The following SLC7A10 variants were observed in gnomAD, a reference collection of about 807,000 sequenced individuals.
SLC7A10 encodes asc-type amino acid transporter 1.
Under a neutral mutation model 52.7 loss-of-function variants are expected in SLC7A10, and 30 were observed. That is an observed-to-expected ratio of 0.57 (90% confidence interval 0.43 to 0.77). The LOEUF is 0.77. Ranked by LOEUF, SLC7A10 falls within the 30% of genes least tolerant of loss-of-function variation. SLC7A10 has a pLI of 0.00. For missense variants in SLC7A10, 581 were observed against 698.5 expected (o/e 0.83, Z 1.90); for synonymous variants, 318 against 314.9 (o/e 1.01, Z -0.10).
At chr19:33,213,831 C>A (rs1051538714) in intron 2 of SLC7A10, among the ~76,000 whole-genome samples, 7 of 152,212 alleles carry the variant, frequency 4.6e-5, no homozygotes, top group African/African-American at 1.7e-4. Context: ...TAAATCTTGC[C>A]TCTGCAGGGC....
rs1288321072 is a variant in SLC7A10, at chr19:33,218,685, T to TCC, written c.152-2713_152-2712insGG. ...GATTTCTTTCTTTCTTTCTTTCTTT[T>TCC]TTTTTTTTTTTTAGTAGAGATGGGG... On this transcript the variant is annotated intron_variant, in intron 1 of 10. Coordinates refer to ENST00000253188, the MANE Select transcript of SLC7A10 (RefSeq NM_019849.3). 8.2e-5 allele frequency among the ~76,000 whole-genome samples: 3 copies of TCC among 36,492 alleles called. 1 individual carries two copies. The highest frequency in any genetic ancestry group is 1.3e-4 in the Non-Finnish European group (2 of 15,664). The allele number at this position is 36,492 out of a possible 152,430, so 23.9% of individuals were successfully genotyped here. A position where few individuals can be genotyped will look rare whatever the true frequency, so the allele number is the denominator to read the frequency against.
Position 33,210,482 on chromosome 19 carries a change from G to C in SLC7A10, c.1248C>G (p.Leu416=). 2 of 1,599,464 alleles carry C rather than the reference G, an allele frequency of 1.3e-6. No individual in the cohort carries two copies. The highest frequency in any genetic ancestry group is 2.2e-5 in the South Asian group (2 of 90,136). ...AGGGCCTCACCTTGATGGGCCTGTGGAGTGCAGGCCGCCTCCAGCGCAGCA... is the reference window on the plus strand; with the variant it reads ...AGGGCCTCACCTTGATGGGCCTGTGCAGTGCAGGCCGCCTCCAGCGCAGCA... ...LLLLRWRRPA[L]HRPIKVNLLI... The change falls in exon 9 of 11, where the codon CTC becomes CTG. Residue 416 remains leucine, a synonymous_variant. Coordinates refer to ENST00000253188, the MANE Select transcript of SLC7A10 (RefSeq NM_019849.3). The surrounding 1 kb of genome is among the most constrained non-coding windows in gnomAD (Gnocchi z 5.6).
chr19:33,210,503 C>T lies in SLC7A10; in HGVS notation c.1227G>A (p.Leu409=). 1.2e-6 allele frequency: 2 copies of T among 1,605,918 alleles called. No homozygotes were observed. Among genetic ancestry groups the T allele is most frequent in the South Asian group, 1.1e-5 (1 of 90,694 alleles). The stretch of plus-strand genomic sequence containing the variant: ...TGTGGAGTGCAGGCCGCCTCCAGCG[C>T]AGCAGCAGCAGGCCCAGGATGGTGA... The part of the protein sequence containing the change: ...YGVTILGLLL[L]RWRRPALHRP... The change falls in exon 9 of 11, where the codon CTG becomes CTA. Residue 409 remains leucine, a synonymous_variant. Transcript: ENST00000253188. This position sits in a 1 kb window ranked among gnomAD's most constrained non-coding sequence, Gnocchi z 5.6.
chr19:33,223,541 C>G (rs1221394871), intron 1 of SLC7A10, among the ~76,000 whole-genome samples: 1 of 151,948 alleles, frequency 6.6e-6, no homozygotes, highest in African/African-American at 2.4e-5. Flanking sequence ...CAGACCCCAG[C>G]TCAGTCCTCA....
intron 1 of SLC7A10, among the ~76,000 whole-genome samples, chr19:33,218,690 T>TCTTTCTTTCTTTCTTCTTTC (rs199544613): frequency 1.1e-5 from 1 of 90,426 alleles, no homozygotes; most frequent in Non-Finnish European, 2.1e-5. Flanking sequence ...TCTTTTTTTT[T>TCTTTCTTTCTTTCTTCTTTC]TTTTTTTAGT....
chr19:33,213,534 C>A (rs943871036), intron 2 of SLC7A10, among the ~76,000 whole-genome samples: 1 of 152,158 alleles, frequency 6.6e-6, no homozygotes, highest in African/African-American at 2.4e-5. Context: ...GTGATCCACC[C>A]GCCTCGGCCT....
chr19:33,224,422 C>T (rs1974879301), intron 1 of SLC7A10, among the ~76,000 whole-genome samples: 1 of 152,034 alleles, frequency 6.6e-6, no homozygotes, highest in Non-Finnish European at 1.5e-5. Flanking sequence ...TGGCCAGGGG[C>T]TGTGTTCAGG....
chr19:33,210,816 C>T lies in SLC7A10; in HGVS notation c.1099G>A (p.Ala367Thr), dbSNP rs567777677. The change falls in exon 8 of 11, where the codon GCC (alanine) becomes ACC (threonine). Residue 367 changes from alanine (A) to threonine (T), a missense_variant. By Grantham distance (58) the Ala-to-Thr change is moderately conservative (BLOSUM62 0). Coordinates refer to ENST00000253188, the MANE Select transcript of SLC7A10 (RefSeq NM_019849.3). The surrounding 1 kb of genome is among the most constrained non-coding windows in gnomAD (Gnocchi z 5.6). ...IHVRHCTPIP[A>T]LLVCCGATAV... ...CCCCAACTTACACAGACGAGGAGGG[C>T]GGGGATGGGGGTGCAGTGTCTGACG... 2.6e-5 allele frequency: 42 copies of T among 1,613,478 alleles called. No homozygotes were observed. In the East Asian group the frequency reaches 3.6e-4, roughly 14 times the overall value.
chr19:33,211,987 T>C, intron 5 of SLC7A10: 1 of 515,560 alleles, frequency 1.9e-6, no homozygotes, highest in South Asian at 2.1e-5. Flanking sequence ...AGGGACCATA[T>C]TGTGTGTATA....
chr19:33,212,326 TGAG>T lies in SLC7A10; in HGVS notation c.751_753del (p.Leu251del), dbSNP rs1974572206. ...TCAACCATCTCCTCGGTGACATAGT[TGAG>T]GAAGTTCCAGCCACTGAAGGCGAAG... On this transcript the variant is annotated inframe_deletion, in exon 5 of 11. Transcript: ENST00000253188. The T allele has an allele frequency of 1.9e-6, 3 of 1,612,690 alleles. No individual in the cohort carries two copies. The highest frequency in any genetic ancestry group is 2.5e-6 in the Non-Finnish European group (3 of 1,179,760).
At chr19:33,222,801 C>T (rs1396601926) in intron 1 of SLC7A10, among the ~76,000 whole-genome samples, 2 of 152,276 alleles carry the variant, frequency 1.3e-5, no homozygotes, top group South Asian at 2.1e-4. Context: ...CAGTGGCCGG[C>T]GGGCACTGCC....
chr19:33,224,072 G>C (rs1974872401), intron 1 of SLC7A10, among the ~76,000 whole-genome samples: 1 of 151,990 alleles, frequency 6.6e-6, no homozygotes, highest in African/African-American at 2.4e-5. Flanking sequence ...GATAGAGTAG[G>C]AAGACAGGTC....
At position 33,210,578 on chromosome 19, in the gene SLC7A10, C is replaced by G; in HGVS notation, c.1152G>C (p.Thr384=). The G allele has an allele frequency of 6.2e-7, 1 of 1,612,102 alleles. No individual in the cohort carries two copies. Among genetic ancestry groups the G allele is most frequent in the Non-Finnish European group, 8.5e-7 (1 of 1,179,958 alleles). ...ATAVIMLVGD[T]YTLINYVSFI... Reference sequence around the variant, plus strand: ...AGGACACATAGTTGATGAGCGTGTACGTGTCGCCCACGAGCATGATGACGG... The same window carrying G: ...AGGACACATAGTTGATGAGCGTGTAGGTGTCGCCCACGAGCATGATGACGG... Residue 384 remains threonine (T), a synonymous_variant, in exon 9 of 11, where the codon ACG becomes ACC. Coordinates refer to ENST00000253188, the MANE Select transcript of SLC7A10 (RefSeq NM_019849.3). This position sits in a 1 kb window ranked among gnomAD's most constrained non-coding sequence, Gnocchi z 5.6.
At position 33,213,281 on chromosome 19, in the gene SLC7A10, C is replaced by CTTTTCTT. The variant is rs1326445186; in HGVS notation, c.357-286_357-280dup. Among the ~76,000 whole-genome samples the CTTTTCTT allele has an allele frequency of 6.7e-5, 10 of 148,876 alleles. No individual in the cohort carries two copies. The South Asian group carries it at 1.9e-3, about 28-fold the overall frequency. On this transcript the variant is annotated intron_variant, in intron 2 of 10. Coordinates refer to ENST00000253188, the MANE Select transcript of SLC7A10 (RefSeq NM_019849.3). ...AACAACATAGGCACCAAACGCTTTT[C>CTTTTCTT]TTTTCTTTTTTCTTTTTTTTTTTTT...
intron 1 of SLC7A10, among the ~76,000 whole-genome samples, chr19:33,225,240 A>G (rs1974896810): frequency 6.6e-6 from 1 of 152,180 alleles, no homozygotes; most frequent in African/African-American, 2.4e-5. Flanking sequence ...TGGCCATTTC[A>G]CAGATGAGGA....
At chr19:33,209,536 G>T in intron 9 of SLC7A10, 51 bp from the exon 10 acceptor site, 1 of 1,594,874 alleles carries the variant, frequency 6.3e-7, no homozygotes. Context: ...CCAGCTGTCT[G>T]TACCCCCGAC....
In SLC7A10 at chr19:33,215,897, C is replaced by A. The variant is rs199612653; in HGVS notation, c.228G>T (p.Leu76=). 1.1e-4 allele frequency: 173 copies of A among 1,611,242 alleles called. No individual in the cohort carries two copies. The Admixed American group carries it at 2.8e-3, about 26-fold the overall frequency. The change falls in exon 2 of 11, where the codon CTG becomes CTT. Residue 76 remains leucine (L), a synonymous_variant. Transcript: ENST00000253188. ...CGCCCCCACCCAGGACCCAGACGAA[C>A]AGGGCCAGACCCACGGAGCCTGAGT... ...LEHSGSVGLA[L]FVWVLGGGVT...
chr19:33,216,628 T>C (rs1255039778), intron 1 of SLC7A10, among the ~76,000 whole-genome samples: 1 of 152,100 alleles, frequency 6.6e-6, no homozygotes, highest in Non-Finnish European at 1.5e-5. Context: ...CTTTCCTTTC[T>C]CTTTTCCCCT....
chr19:33,218,683 T>TTCTTTC (rs1291591113), intron 1 of SLC7A10, among the ~76,000 whole-genome samples: 4 of 31,910 alleles, frequency 1.3e-4, no homozygotes, highest in African/African-American at 3.5e-4. Flanking sequence ...CTTTCTTTCT[T>TTCTTTC]TTTTTTTTTT....
Sources: allele counts gnomAD v4.1 joint callset (sites outside exome capture counted in the v4.1 genomes callset), GRCh38; gene constraint gnomAD v4.1.1; non-coding constraint Gnocchi (gnomAD v3.1); transcripts MANE v1.5; gene names NCBI Gene and HGNC (gene_info 2026-07-23, HGNC 2026-07-21).